Variants in ANKS1A observed in about 807,000 individuals in gnomAD.
ANKS1A encodes the protein ankyrin repeat and sterile alpha motif domain containing 1A, also known as ankyrin repeat and SAM domain-containing protein 1A.
Under a neutral mutation model 120.3 loss-of-function variants are expected in ANKS1A, and 55 were observed. That is an observed-to-expected ratio of 0.46 (90% CI 0.37 to 0.57). The LOEUF is 0.57. Among genes scored for constraint, ANKS1A ranks in the 20% least tolerant of loss-of-function variants. ANKS1A has a pLI of 0.00. For synonymous variants in ANKS1A, 590 were observed against 604.7 expected, an observed-to-expected ratio of 0.98 and a Z score of 0.36; for missense variants, 1,123 against 1,480.3, an observed-to-expected ratio of 0.76 and a Z score of 3.96.
intron 11 of ANKS1A, chr6:35,039,671 C>T (rs1355685000): frequency 2.2e-5 from 10 of 455,296 alleles, no homozygotes; most frequent in Non-Finnish European, 4.0e-5. Flanking sequence ...AGAAGCCATT[C>T]TCCTGAAAGA....
At chr6:35,053,661 C>T (rs536646948) in intron 11 of ANKS1A, among the ~76,000 whole-genome samples, 1 of 152,354 alleles carries the variant, frequency 6.6e-6, no homozygotes, top group South Asian at 2.1e-4. Context: ...AGGCACTACC[C>T]TAGGCACTCA....
chr6:34,990,998 T>C (rs1299574170), intron 9 of ANKS1A, among the ~76,000 whole-genome samples: 1 of 152,162 alleles, frequency 6.6e-6, no homozygotes, highest in Admixed American at 6.5e-5. Context: ...TACTATTATG[T>C]ATATTTTTTG....
intron 3 of ANKS1A, among the ~76,000 whole-genome samples, chr6:34,977,413 T>C (rs199767004): frequency 7.2e-6 from 1 of 138,288 alleles, no homozygotes; most frequent in East Asian, 2.1e-4. Flanking sequence ...TTTTTTTTTT[T>C]AGTTCCCATG....
intron 10 of ANKS1A, among the ~76,000 whole-genome samples, chr6:35,002,126 C>T (rs1280525216): frequency 1.3e-5 from 2 of 152,146 alleles, no homozygotes; most frequent in Non-Finnish European, 2.9e-5. Context: ...CCCCGCATAA[C>T]CATTGAAGTT....
chr6:34,902,004 T>A (rs1440723123), intron 1 of ANKS1A, among the ~76,000 whole-genome samples: 1 of 152,226 alleles, frequency 6.6e-6, no homozygotes, highest in Non-Finnish European at 1.5e-5. Flanking sequence ...ACTTTTTACC[T>A]ACAAATGAAA....
chr6:34,959,091 G>T (rs575032770), intron 1 of ANKS1A, among the ~76,000 whole-genome samples: 2 of 152,322 alleles, frequency 1.3e-5, no homozygotes, highest in East Asian at 3.9e-4. Flanking sequence ...CATGAATCAT[G>T]TTTACTGCCA....
rs188849709 is a variant in ANKS1A at position 35,060,460 on chromosome 6, C to T, written c.2184+207C>T. 1.1e-3 allele frequency among the ~76,000 whole-genome samples: 170 copies of T among 152,308 alleles called. No individual in the cohort carries two copies. Among genetic ancestry groups the T allele is most frequent in the African/African-American group, 3.6e-3 (150 of 41,564 alleles). ...TGTCCCTCTCCCTCTGCCCCAGAAA[C>T]GGCTCCAGAGGGAGCTCTCTTTGCA... On this transcript the variant is annotated intron_variant, in intron 13 of 23. Transcript: ENST00000360359. This position sits in a 1 kb window ranked among gnomAD's most constrained non-coding sequence, Gnocchi z 4.5.
intron 3 of ANKS1A, among the ~76,000 whole-genome samples, chr6:34,975,612 G>A (rs1234286172): frequency 1.3e-5 from 2 of 151,862 alleles, no homozygotes; most frequent in Non-Finnish European, 2.9e-5. Flanking sequence ...TAAAAAATTA[G>A]CCAGGCATAG....
At chr6:35,083,073 G>A (rs1777776290) in intron 18 of ANKS1A, 82 bp from the exon 19 acceptor site, 2 of 1,544,162 alleles carry the variant, frequency 1.3e-6, no homozygotes, top group African/African-American at 1.4e-5. Context: ...CTACTTGATT[G>A]TGGGACAGTC....
At chr6:35,053,383 G>A (rs1354179619) in intron 11 of ANKS1A, among the ~76,000 whole-genome samples, 1 of 152,224 alleles carries the variant, frequency 6.6e-6, no homozygotes, top group Admixed American at 6.5e-5. Flanking sequence ...GGGCAGCGCT[G>A]GAGCCATTGG....
At chr6:35,083,581 C>A in intron 20 of ANKS1A, 78 bp downstream of exon 20, 1 of 1,375,972 alleles carries the variant, frequency 7.3e-7, no homozygotes, top group Non-Finnish European at 1.0e-6. Flanking sequence ...GGGCAAGCAA[C>A]CCGGCTGCCC....
At chr6:35,036,353 T>A (rs1393662471) in intron 11 of ANKS1A, among the ~76,000 whole-genome samples, 1 of 152,228 alleles carries the variant, frequency 6.6e-6, no homozygotes. Context: ...GCTGAGATGC[T>A]GCGTTGGTTT....
intron 13 of ANKS1A, among the ~76,000 whole-genome samples, chr6:35,077,061 G>A (rs1379882891): frequency 1.3e-5 from 2 of 152,194 alleles, no homozygotes; most frequent in South Asian, 2.1e-4. Flanking sequence ...ATCCTACTCC[G>A]ATAAGAAATG....
Position 35,084,118 on chromosome 6 carries a change from C to T in ANKS1A, c.2995-3C>T, listed in dbSNP as rs755969587. The T allele has an allele frequency of 3.1e-6, 5 of 1,614,052 alleles. No individual in the cohort carries two copies. Among genetic ancestry groups the T allele is most frequent in the East Asian group, 2.2e-5 (1 of 44,888 alleles). On this transcript the variant is annotated splice_polypyrimidine_tract_variant and splice_region_variant and intron_variant, in intron 20 of 23. Transcript: ENST00000360359. This position sits in a 1 kb window ranked among gnomAD's most constrained non-coding sequence, Gnocchi z 4.8. Reference sequence around the variant, plus strand: ...AATTCCAGAACACGGCTTTCCCCAGCAGAACGTCATTGCAGAGCACGAGAT... The same window carrying T: ...AATTCCAGAACACGGCTTTCCCCAGTAGAACGTCATTGCAGAGCACGAGAT...
At chr6:35,023,222 C>T (rs377408062) in intron 11 of ANKS1A, among the ~76,000 whole-genome samples, 6 of 152,222 alleles carry the variant, frequency 3.9e-5, no homozygotes, top group Admixed American at 2.6e-4. Context: ...AGCTCCCCTC[C>T]CTGCACCTTA....
intron 9 of ANKS1A, among the ~76,000 whole-genome samples, chr6:34,992,066 C>T (rs551854852): frequency 2.0e-5 from 3 of 152,136 alleles, no homozygotes; most frequent in African/African-American, 7.2e-5. Context: ...TACTTGTCGT[C>T]TGGGTATGAG....
At chr6:35,034,603 T>TA (rs1472066033) in intron 11 of ANKS1A, among the ~76,000 whole-genome samples, 1 of 152,248 alleles carries the variant, frequency 6.6e-6, no homozygotes. Context: ...GCCTCTCACT[T>TA]ACATTAATTA....
Position 35,084,945 on chromosome 6 carries a change from A to G in ANKS1A, c.3132+687A>G, listed in dbSNP as rs1437937348. The stretch of plus-strand genomic sequence containing the variant: ...GAGAGTGGCCCCAGGCTGCTTCCTC[A>G]CCCCGGGAGGAAGTCAGAGGGGTCC... On this transcript the variant is annotated intron_variant, in intron 21 of 23. Coordinates refer to ENST00000360359, the MANE Select transcript of ANKS1A (RefSeq NM_015245.3). This position sits in a 1 kb window ranked among gnomAD's most constrained non-coding sequence, Gnocchi z 4.8. 1.3e-5 allele frequency among the ~76,000 whole-genome samples: 2 copies of G among 151,834 alleles called. No homozygotes were observed.
chr6:35,074,800 C>T (rs564362942), intron 13 of ANKS1A, among the ~76,000 whole-genome samples: 13 of 152,324 alleles, frequency 8.5e-5, no homozygotes, highest in African/African-American at 3.1e-4. Flanking sequence ...GGGCTCTCTT[C>T]ACCTGGGCTC....
Sources: allele counts gnomAD v4.1 joint callset (sites outside exome capture counted in the v4.1 genomes callset), GRCh38; gene constraint gnomAD v4.1.1; non-coding constraint Gnocchi (gnomAD v3.1); transcripts MANE v1.5; gene names NCBI Gene and HGNC (gene_info 2026-07-23, HGNC 2026-07-21).